MTCL3: variants seen among roughly 807,000 people sequenced by gnomAD.
MTCL3 encodes MTCL family member 3.
At chr6:127,515,583 C>T in the MTCL3 span, 1 of 1,442,028 alleles carries the variant, frequency 6.9e-7, no homozygotes. This position sits in a 1 kb window ranked among gnomAD's most constrained non-coding sequence, Gnocchi z 4.3. Flanking sequence ...CTTGGAGCTG[C>T]TGCGGGTGCG....
At chr6:127,503,354 A>C in the MTCL3 span, among the ~76,000 whole-genome samples, 1 of 152,208 alleles carries the variant, frequency 6.6e-6, no homozygotes, top group Non-Finnish European at 1.5e-5. Flanking sequence ...ACTGGCATGT[A>C]ATTAGCACTC....
chr6:127,483,279 A>G, the MTCL3 span, among the ~76,000 whole-genome samples: 10 of 152,262 alleles, frequency 6.6e-5, no homozygotes, highest in Admixed American at 4.6e-4. Flanking sequence ...TTGACTCAAT[A>G]TGATATATAG....
At chr6:127,503,650 C>T in the MTCL3 span, among the ~76,000 whole-genome samples, 2 of 152,132 alleles carry the variant, frequency 1.3e-5, no homozygotes, top group Non-Finnish European at 2.9e-5. Flanking sequence ...CTCAAGAATC[C>T]AATTGTACCT....
chr6:127,512,298 A>G, the MTCL3 span, among the ~76,000 whole-genome samples: 11 of 152,214 alleles, frequency 7.2e-5, no homozygotes, highest in East Asian at 2.1e-3. Flanking sequence ...TTAAATATAT[A>G]TCATGTAAAA....
chr6:127,507,699 C>A, the MTCL3 span, among the ~76,000 whole-genome samples: 1 of 151,814 alleles, frequency 6.6e-6, no homozygotes, highest in African/African-American at 2.4e-5. Flanking sequence ...AAAAATTAGC[C>A]GGGCATAGTG....
At chr6:127,473,979 T>C in the MTCL3 span, among the ~76,000 whole-genome samples, 1 of 152,292 alleles carries the variant, frequency 6.6e-6, no homozygotes, top group Non-Finnish European at 1.5e-5. Context: ...CCTCTACAAA[T>C]CAGGATGGAG....
At chr6:127,488,003 C>G in the MTCL3 span, among the ~76,000 whole-genome samples, 1 of 152,226 alleles carries the variant, frequency 6.6e-6, no homozygotes, top group African/African-American at 2.4e-5. Flanking sequence ...ACTACCAGCC[C>G]ACTCTATGTG....
chr6:127,497,554 A>G, the MTCL3 span, among the ~76,000 whole-genome samples: 1 of 152,246 alleles, frequency 6.6e-6, no homozygotes, highest in Non-Finnish European at 1.5e-5. Flanking sequence ...TGAGTGCTGC[A>G]GTAGCAGCCT....
chr6:127,516,339 G>A, the MTCL3 span: 1 of 1,589,656 alleles, frequency 6.3e-7, no homozygotes, highest in South Asian at 1.1e-5. Flanking sequence ...GGATGCTGGC[G>A]GGCGGCCCCG....
At chr6:127,499,707 C>T in the MTCL3 span, among the ~76,000 whole-genome samples, 1 of 152,194 alleles carries the variant, frequency 6.6e-6, no homozygotes. Context: ...TGCTCCTTCT[C>T]TGCCCTGCTC....
At chr6:127,516,154 G>A in the MTCL3 span, 6 of 1,444,010 alleles carry the variant, frequency 4.2e-6, no homozygotes, top group African/African-American at 2.9e-5. Flanking sequence ...GAGTTTCGAG[G>A]GCACGGACTC....
At chr6:127,474,269 T>C in the MTCL3 span, among the ~76,000 whole-genome samples, 1 of 152,306 alleles carries the variant, frequency 6.6e-6, no homozygotes, top group South Asian at 2.1e-4. Flanking sequence ...AGTTCTGTTT[T>C]ATTTAATTAA....
At chr6:127,489,517 C>T in the MTCL3 span, among the ~76,000 whole-genome samples, 1 of 152,202 alleles carries the variant, frequency 6.6e-6, no homozygotes, top group Non-Finnish European at 1.5e-5. Context: ...GGCCTCTTAG[C>T]CAAGTTGTGA....
the MTCL3 span, chr6:127,475,569 G>A: frequency 1.9e-6 from 3 of 1,609,038 alleles, no homozygotes; most frequent in South Asian, 3.3e-5. This position sits in a 1 kb window ranked among gnomAD's most constrained non-coding sequence, Gnocchi z 7.3. Flanking sequence ...CGGCCTCCGA[G>A]CGGATGTCCT....
At chr6:127,484,412 G>T in the MTCL3 span, among the ~76,000 whole-genome samples, 3 of 152,056 alleles carry the variant, frequency 2.0e-5, no homozygotes, top group Non-Finnish European at 4.4e-5. Context: ...AAAGCTTGGG[G>T]ACTGACTCAC....
chr6:127,502,632 G>C, the MTCL3 span, among the ~76,000 whole-genome samples: 1 of 152,170 alleles, frequency 6.6e-6, no homozygotes, highest in Non-Finnish European at 1.5e-5. Flanking sequence ...GTCCTAGACA[G>C]CTCTAAAATT....
At chr6:127,500,895 T>G in the MTCL3 span, among the ~76,000 whole-genome samples, 1 of 152,070 alleles carries the variant, frequency 6.6e-6, no homozygotes, top group Non-Finnish European at 1.5e-5. Context: ...CACTGCAACC[T>G]CCACCTCCTG....
At chr6:127,475,678 G>A in the MTCL3 span, 1 of 1,586,234 alleles carries the variant, frequency 6.3e-7, no homozygotes, top group Non-Finnish European at 8.5e-7. The surrounding 1 kb of genome is among the most constrained non-coding windows in gnomAD (Gnocchi z 7.3). Flanking sequence ...CACCTCCTCC[G>A]AGTCGCTCTC....
At chr6:127,479,545 G>GGC in the MTCL3 span, among the ~76,000 whole-genome samples, 1 of 152,124 alleles carries the variant, frequency 6.6e-6, no homozygotes, top group African/African-American at 2.4e-5. Context: ...TGTGATACAA[G>GGC]GCACACACTG....
Sources: gnomAD v4.1 joint callset for allele counts (sites outside exome capture counted in the v4.1 genomes callset) on GRCh38, gnomAD v4.1.1 for gene constraint, Gnocchi (gnomAD v3.1) non-coding constraint, MANE v1.5 for transcripts, NCBI Gene and HGNC (gene_info 2026-07-23, HGNC 2026-07-21) for gene names.